The following TOM1 variants were observed in gnomAD, a reference collection of about 807,000 sequenced individuals.
The protein encoded by TOM1 is target of myb1 membrane trafficking protein.
In TOM1, 38 loss-of-function variants were observed where a neutral mutation model predicts 61.3. The ratio of observed to expected loss-of-function variants is 0.62; its 90% CI spans 0.48 to 0.81. TOM1 has a LOEUF of 0.81. Among genes scored for constraint, TOM1 ranks in the 40% least tolerant of loss-of-function variants. The probability of loss-of-function intolerance (pLI) is 0.00; values close to 1 mark genes in which losing one functional copy is unlikely to be tolerated. For missense variants in TOM1, 591 were observed against 659.6 expected, an observed-to-expected ratio of 0.90 and a Z score of 1.14; for synonymous variants, 270 against 268.8, an observed-to-expected ratio of 1.00 and a Z score of -0.04.
chr22:35,326,974 C>G (rs1928375892), intron 6 of TOM1, among the ~76,000 whole-genome samples: 1 of 152,220 alleles, frequency 6.6e-6, no homozygotes, highest in African/African-American at 2.4e-5. Context: ...GCCTTGTTAG[C>G]TGCTGTGTTA....
At chr22:35,324,889 G>T (rs1928178067) in intron 6 of TOM1, among the ~76,000 whole-genome samples, 1 of 152,218 alleles carries the variant, frequency 6.6e-6, no homozygotes, top group African/African-American at 2.4e-5. Flanking sequence ...TAGGGGACAG[G>T]TTTTCCCAGC....
chr22:35,335,378 G>A (rs1304403543), intron 11 of TOM1, among the ~76,000 whole-genome samples: 3 of 152,230 alleles, frequency 2.0e-5, no homozygotes, highest in Non-Finnish European at 4.4e-5. Flanking sequence ...GCTGTAGCCT[G>A]CTAGGTCCTT....
Position 35,330,492 on chromosome 22 carries a change from A to C in TOM1, c.899+12A>C, listed in dbSNP as rs1601698818. 6.2e-7 allele frequency: 1 copy of C among 1,603,010 alleles called. No homozygotes were observed. Among genetic ancestry groups the C allele is most frequent in the Non-Finnish European group, 8.5e-7 (1 of 1,174,308 alleles). On this transcript the variant is annotated intron_variant, in intron 8 of 14. Coordinates refer to ENST00000449058, the MANE Select transcript of TOM1 (RefSeq NM_005488.3). ...CTGCGCCATGAACGGTAGCCCCAGC[A>C]CCTCCCCTGGCCTCTGGCCTACTGC...
At chr22:35,333,659 C>T (rs1929030645) in intron 10 of TOM1, among the ~76,000 whole-genome samples, 162 bp downstream of exon 10, 1 of 152,154 alleles carries the variant, frequency 6.6e-6, no homozygotes, top group African/African-American at 2.4e-5. Context: ...GTGGGGCACT[C>T]GGGGTCACTG....
At chr22:35,327,445 G>T (rs1313241465) in intron 7 of TOM1, 58 bp downstream of exon 7, 5 of 1,223,598 alleles carry the variant, frequency 4.1e-6, no homozygotes, top group South Asian at 3.7e-5. Flanking sequence ...CTGCCCACAT[G>T]CATTCTTTCC....
chr22:35,332,623 T>C (rs1053611001), intron 8 of TOM1, among the ~76,000 whole-genome samples: 9 of 151,648 alleles, frequency 5.9e-5, no homozygotes, highest in Non-Finnish European at 1.0e-4. Context: ...CACACAAATA[T>C]GTAATTGAAA....
At chr22:35,343,890 C>T (rs1260260524) in intron 12 of TOM1, among the ~76,000 whole-genome samples, 1 of 150,308 alleles carries the variant, frequency 6.7e-6, no homozygotes, top group East Asian at 2.0e-4. Flanking sequence ...CATACACCTA[C>T]ACACCTGCAC....
intron 11 of TOM1, among the ~76,000 whole-genome samples, chr22:35,335,085 GGTCTGAC>G (rs1312647460): frequency 7.9e-5 from 12 of 152,134 alleles, no homozygotes; most frequent in African/African-American, 2.4e-4. Flanking sequence ...TGTCCACCAG[GGTCTGAC>G]CCCTTGCCGG....
chr22:35,332,146 G>C (rs547539810), intron 8 of TOM1, among the ~76,000 whole-genome samples: 4 of 152,230 alleles, frequency 2.6e-5, no homozygotes, highest in African/African-American at 4.8e-5. Context: ...AGTGGAAAGT[G>C]GGGGGTACCC....
At chr22:35,337,179 G>A (rs1023249792) in intron 11 of TOM1, among the ~76,000 whole-genome samples, 15 of 152,074 alleles carry the variant, frequency 9.9e-5, no homozygotes, top group Admixed American at 7.2e-4. Flanking sequence ...CTCGTGATCC[G>A]CGCGCCTTGG....
At chr22:35,343,526 C>CCA (rs548377099) in intron 12 of TOM1, among the ~76,000 whole-genome samples, 2 of 146,214 alleles carry the variant, frequency 1.4e-5, no homozygotes, top group Admixed American at 6.8e-5. Context: ...CCTACACACA[C>CCA]CACACACACA....
At chr22:35,299,418 C>G (rs1261274945), upstream of TOM1, 1 of 153,368 alleles carries the variant, frequency 6.5e-6, no homozygotes, top group African/African-American at 2.4e-5. Flanking sequence ...CATCTTGGAG[C>G]GGGGAGACCT....
chr22:35,302,693 A>G (rs1925946999), intron 1 of TOM1, among the ~76,000 whole-genome samples: 1 of 151,848 alleles, frequency 6.6e-6, no homozygotes, highest in Non-Finnish European at 1.5e-5. Flanking sequence ...CATCCCCTTC[A>G]TTTTACACTG....
chr22:35,340,761 AG>A (rs1245064370), intron 12 of TOM1, among the ~76,000 whole-genome samples: 1 of 152,176 alleles, frequency 6.6e-6, no homozygotes, highest in Non-Finnish European at 1.5e-5. Context: ...AAAGAAGGAA[AG>A]CAGGGAGGGA....
intron 12 of TOM1, among the ~76,000 whole-genome samples, chr22:35,340,843 C>T (rs778456974): frequency 2.7e-4 from 41 of 152,210 alleles, no homozygotes; most frequent in Non-Finnish European, 3.7e-4. Flanking sequence ...GCACTCTCTC[C>T]GCTCCTGGGT....
intron 1 of TOM1, among the ~76,000 whole-genome samples, chr22:35,304,986 C>G (rs1926189037): frequency 1.3e-5 from 2 of 152,126 alleles, no homozygotes; most frequent in African/African-American, 4.8e-5. Flanking sequence ...GAGCCCAGAG[C>G]CTGAAGACTG....
rs775691549 is a variant in TOM1 at position 35,323,555 on chromosome 22, G to T, written c.426G>T (p.Glu142Asp). The T allele has an allele frequency of 3.6e-5, 58 of 1,614,134 alleles. No homozygotes were observed. The South Asian group carries it at 5.2e-4, about 14-fold the overall frequency. Reference protein sequence around the residue: ...PDLTGVVTIYEDLRRKGLEFP... With the variant: ...PDLTGVVTIYDDLRRKGLEFP... The stretch of plus-strand genomic sequence containing the variant: ...TGACAGGTGTGGTCACCATCTATGA[G>T]GACCTGCGGAGGAAAGGCCTGGAGT... The change falls in exon 5 of 15, where the codon GAG becomes GAT. Residue 142 changes from glutamate to aspartate, a missense_variant. Coordinates refer to ENST00000449058, the MANE Select transcript of TOM1 (RefSeq NM_005488.3). The surrounding 1 kb of genome is among the most constrained non-coding windows in gnomAD (Gnocchi z 4.2).
chr22:35,300,461 C>A (rs1479693452), intron 1 of TOM1, among the ~76,000 whole-genome samples: 1 of 152,236 alleles, frequency 6.6e-6, no homozygotes. Context: ...GTCTTGGGGC[C>A]AACTGGCCAG....
At chr22:35,303,437 G>A (rs1049117706) in intron 1 of TOM1, among the ~76,000 whole-genome samples, 3 of 151,600 alleles carry the variant, frequency 2.0e-5, no homozygotes, top group Admixed American at 6.6e-5. Flanking sequence ...AGAGTGTCTC[G>A]CACAGTGTGA....
Sources: allele counts gnomAD v4.1 joint callset (sites outside exome capture counted in the v4.1 genomes callset), GRCh38; gene constraint gnomAD v4.1.1; non-coding constraint Gnocchi (gnomAD v3.1); transcripts MANE v1.5; gene names NCBI Gene and HGNC (gene_info 2026-07-23, HGNC 2026-07-21).